ZDHHC14: variants seen among roughly 807,000 people sequenced by gnomAD.
ZDHHC14 encodes the protein zDHHC palmitoyltransferase 14, also known as palmitoyltransferase ZDHHC14.
A neutral mutation model predicts 47.7 loss-of-function variants in ZDHHC14; 16 were observed. The ratio of observed to expected loss-of-function variants is 0.34; its 90% CI spans 0.23 to 0.51. The LOEUF (loss-of-function observed/expected upper bound fraction) is 0.51, where lower values mean the gene tolerates loss of function less well. Among genes scored for constraint, ZDHHC14 ranks in the 20% least tolerant of loss-of-function variants. ZDHHC14 has a pLI of 0.97. For missense variants in ZDHHC14, 515 were observed against 662.5 expected (o/e 0.78, Z 2.44); for synonymous variants, 293 against 278.9 (o/e 1.05, Z -0.50).
At chr6:157,591,501 G>T (rs1783907465) in intron 2 of ZDHHC14, among the ~76,000 whole-genome samples, 1 of 152,154 alleles carries the variant, frequency 6.6e-6, no homozygotes, top group Non-Finnish European at 1.5e-5. Flanking sequence ...GGACATGTTT[G>T]CTTCCCTTTC....
At position 157,570,830 on chromosome 6, in the gene ZDHHC14, T is replaced by TAC. The variant is rs1230916928; in HGVS notation, c.407-22148_407-22147dup. ...ACACACACACACATATATATATATA[T>TAC]ACACACACACATACATCTATATTGC... On this transcript the variant is annotated intron_variant, in intron 2 of 8. Coordinates refer to ENST00000359775, the MANE Select transcript of ZDHHC14 (RefSeq NM_024630.3). Among the ~76,000 whole-genome samples, 14 of 151,198 alleles carry TAC rather than the reference T, an allele frequency of 9.3e-5. 1 individual carries two copies. The highest frequency in any genetic ancestry group is 1.5e-4 in the Non-Finnish European group (10 of 67,742).
At position 157,677,859 on chromosome 6, in the gene ZDHHC14, A is replaced by G. The variant is rs1474584482; in HGVS notation, c.*4737A>G. ...GGTTTTAGCCTGCAATTAAAAAAAA[A>G]AAAAAAAACGGTTGAAGCCTTGCTA... On this transcript the variant is annotated 3_prime_UTR_variant, in exon 9 of 9. Transcript: ENST00000359775. 1 of 152,122 alleles carries G rather than the reference A, an allele frequency of 6.6e-6. No individual in the cohort carries two copies. The highest frequency in any genetic ancestry group is 2.4e-5 in the African/African-American group (1 of 41,410). The allele number at this position is 152,122 out of a possible 1,614,324, so 9.4% of individuals were successfully genotyped here. A position where few individuals can be genotyped will look rare whatever the true frequency, so the allele number is the denominator to read the frequency against.
intron 1 of ZDHHC14, among the ~76,000 whole-genome samples, chr6:157,467,673 G>A (rs777935339): frequency 5.9e-5 from 9 of 151,654 alleles, no homozygotes; most frequent in South Asian, 2.1e-4. Context: ...CCTCAGACTC[G>A]CAAGTAGCTG....
At chr6:157,647,711 CAT>C (rs905798519) in intron 7 of ZDHHC14, among the ~76,000 whole-genome samples, 1 of 152,136 alleles carries the variant, frequency 6.6e-6, no homozygotes, top group African/African-American at 2.4e-5. Context: ...AGACAGGACA[CAT>C]GTGCAGGAAG....
chr6:157,419,036 T>C (rs1275635145), intron 1 of ZDHHC14, among the ~76,000 whole-genome samples: 1 of 152,230 alleles, frequency 6.6e-6, no homozygotes, highest in African/African-American at 2.4e-5. Flanking sequence ...CTTGCAGGTT[T>C]AGGGCCATTT....
intron 1 of ZDHHC14, among the ~76,000 whole-genome samples, chr6:157,537,928 A>T (rs2114795607): frequency 6.6e-6 from 1 of 152,328 alleles, no homozygotes; most frequent in Non-Finnish European, 1.5e-5. Context: ...GGAGGTTAAC[A>T]TTCACAGTCA....
At chr6:157,440,937 A>G (rs1778549581) in intron 1 of ZDHHC14, among the ~76,000 whole-genome samples, 1 of 152,238 alleles carries the variant, frequency 6.6e-6, no homozygotes, top group Non-Finnish European at 1.5e-5. Flanking sequence ...ACTGAATTGC[A>G]TACTTTAAAT....
intron 1 of ZDHHC14, among the ~76,000 whole-genome samples, chr6:157,487,125 C>T (rs1202617227): frequency 6.6e-6 from 1 of 152,224 alleles, no homozygotes; most frequent in East Asian, 1.9e-4. Context: ...TGTCTCCCCA[C>T]GCTGTCCCTA....
rs543851034 is a variant in ZDHHC14, at chr6:157,460,160, G to A, written c.245+77894G>A. Among the ~76,000 whole-genome samples the A allele has an allele frequency of 2.3e-3, 348 of 151,136 alleles. 1 individual carries two copies. Among genetic ancestry groups the A allele is most frequent in the Admixed American group, 2.0e-3 (30 of 15,180 alleles). ...AGAAGTTGCAGTGAGCCGAGATTGC[G>A]CCACTGCACTCCAGCCTGGGCAACA... On this transcript the variant is annotated intron_variant, in intron 1 of 8. Coordinates refer to ENST00000359775, the MANE Select transcript of ZDHHC14 (RefSeq NM_024630.3).
chr6:157,671,068 G>A (rs1411148100), intron 8 of ZDHHC14, among the ~76,000 whole-genome samples: 2 of 152,228 alleles, frequency 1.3e-5, no homozygotes, highest in African/African-American at 4.8e-5. Flanking sequence ...AGGGGTATGA[G>A]CAATGGCAGC....
At position 157,624,675 on chromosome 6, in the gene ZDHHC14, G is replaced by A. The variant is rs149102655; in HGVS notation, c.566-3674G>A. 3.3e-3 allele frequency among the ~76,000 whole-genome samples: 505 copies of A among 152,322 alleles called. 1 individual carries two copies. The highest frequency in any genetic ancestry group is 0.012 in the African/African-American group (488 of 41,570). Reference sequence around the variant, plus strand: ...AGCTGGGCCCCCATCCCAGCTTTGCGATACACTAACTGTGTGACCTTGGGC... The same window carrying A: ...AGCTGGGCCCCCATCCCAGCTTTGCAATACACTAACTGTGTGACCTTGGGC... On this transcript the variant is annotated intron_variant, in intron 3 of 8. Coordinates refer to ENST00000359775, the MANE Select transcript of ZDHHC14 (RefSeq NM_024630.3).
intron 8 of ZDHHC14, among the ~76,000 whole-genome samples, chr6:157,655,507 C>A (rs529147880): frequency 6.6e-6 from 1 of 152,344 alleles, no homozygotes; most frequent in South Asian, 2.1e-4. Flanking sequence ...CGCAGGTGCA[C>A]AAGAAGTGCC....
chr6:157,635,703 C>T (rs1776937791), intron 5 of ZDHHC14, among the ~76,000 whole-genome samples: 1 of 152,194 alleles, frequency 6.6e-6, no homozygotes, highest in African/African-American at 2.4e-5. Flanking sequence ...AACACGGCAT[C>T]CCCCTTAGGG....
chr6:157,669,458 G>A (rs1389761245), intron 8 of ZDHHC14, among the ~76,000 whole-genome samples: 2 of 152,172 alleles, frequency 1.3e-5, no homozygotes, highest in Non-Finnish European at 2.9e-5. Flanking sequence ...GAGAGGGTTG[G>A]AAGGAGAGGA....
chr6:157,474,932 C>A (rs1041293449), intron 1 of ZDHHC14, among the ~76,000 whole-genome samples: 19 of 152,152 alleles, frequency 1.2e-4, no homozygotes, highest in South Asian at 6.2e-4. Context: ...TATTTTGCTT[C>A]TGTCTCCTGT....
At chr6:157,615,572 T>A (rs991058401) in intron 3 of ZDHHC14, among the ~76,000 whole-genome samples, 2 of 152,218 alleles carry the variant, frequency 1.3e-5, no homozygotes, top group African/African-American at 4.8e-5. Flanking sequence ...TTATAGCATA[T>A]CCGACTTGCT....
chr6:157,384,337 C>T (rs777243243), intron 1 of ZDHHC14, among the ~76,000 whole-genome samples: 1 of 152,174 alleles, frequency 6.6e-6, no homozygotes, highest in Non-Finnish European at 1.5e-5. Flanking sequence ...ACCAAACCAT[C>T]ATAAATTCAT....
chr6:157,545,882 G>A (rs1582917128), intron 2 of ZDHHC14, among the ~76,000 whole-genome samples: 1 of 152,298 alleles, frequency 6.6e-6, no homozygotes, highest in South Asian at 2.1e-4. Flanking sequence ...CTGTGAAATA[G>A]GAGTAATGGC....
In ZDHHC14 at chr6:157,539,147, T is replaced by G. The variant is rs1279639162; in HGVS notation, c.246-3438T>G. ...GTTCTAGGCTGGGTGTGGTGGCTTA[T>G]TCCTGTAATCCCAGCACTTTGGGAG... On this transcript the variant is annotated intron_variant, in intron 1 of 8. Transcript: ENST00000359775. Among the ~76,000 whole-genome samples, 4 of 152,194 alleles carry G rather than the reference T, an allele frequency of 2.6e-5. No individual in the cohort carries two copies. The East Asian group carries it at 5.8e-4, about 22-fold the overall frequency.
Sources: gnomAD v4.1 joint callset for allele counts (sites outside exome capture counted in the v4.1 genomes callset) on GRCh38, gnomAD v4.1.1 for gene constraint, MANE v1.5 for transcripts, NCBI Gene and HGNC (gene_info 2026-07-23, HGNC 2026-07-21) for gene names.